Variants in CD2AP observed in about 807,000 individuals in gnomAD.
The protein encoded by CD2AP is CD2 associated protein.
CD2AP carries 46 observed loss-of-function variants against 85.1 expected under a neutral mutation model. That is an observed-to-expected ratio of 0.54 (90% CI 0.43 to 0.69). CD2AP has a LOEUF of 0.69. Ranked by LOEUF, CD2AP falls within the 30% of genes least tolerant of loss-of-function variation. The probability of loss-of-function intolerance (pLI) is 0.00; values close to 1 mark genes in which losing one functional copy is unlikely to be tolerated. For missense variants in CD2AP, 769 were observed against 729.5 expected, an observed-to-expected ratio of 1.05 and a Z score of -0.62; for synonymous variants, 255 against 252.9, an observed-to-expected ratio of 1.01 and a Z score of -0.08.
chr6:47,513,282 A>G (rs1045080487), intron 2 of CD2AP, among the ~76,000 whole-genome samples: 5 of 152,170 alleles, frequency 3.3e-5, no homozygotes, highest in Non-Finnish European at 7.3e-5. Flanking sequence ...AAGCCAACCA[A>G]CATTCCCACT....
At chr6:47,489,939 G>C (rs938111930) in intron 1 of CD2AP, among the ~76,000 whole-genome samples, 2 of 143,660 alleles carry the variant, frequency 1.4e-5, no homozygotes, top group East Asian at 4.1e-4. Context: ...ATTGGTATTC[G>C]TTTGAGTAAC....
At chr6:47,563,380 A>C (rs1767912925) in intron 5 of CD2AP, among the ~76,000 whole-genome samples, 1 of 152,244 alleles carries the variant, frequency 6.6e-6, no homozygotes, top group Non-Finnish European at 1.5e-5. Context: ...TTTTCATCTC[A>C]GAAATGTCAC....
chr6:47,581,501 G>A (rs1768479120), intron 10 of CD2AP, among the ~76,000 whole-genome samples: 1 of 151,894 alleles, frequency 6.6e-6, no homozygotes, highest in African/African-American at 2.4e-5. Flanking sequence ...CTTTATATTT[G>A]CTGACCTAAT....
chr6:47,482,278 A>G (rs1765464826), intron 1 of CD2AP, among the ~76,000 whole-genome samples: 1 of 152,164 alleles, frequency 6.6e-6, no homozygotes, highest in African/African-American at 2.4e-5. Context: ...AAATTTGAGT[A>G]GTTTAAATTT....
intron 8 of CD2AP, among the ~76,000 whole-genome samples, chr6:47,577,762 G>T (rs981449600): frequency 2.6e-5 from 4 of 151,144 alleles, no homozygotes; most frequent in Middle Eastern, 3.2e-3. Context: ...TTTTTAAGTA[G>T]AAATGGAGTC....
At chr6:47,499,365 T>C (rs778035707) in intron 1 of CD2AP, among the ~76,000 whole-genome samples, 2 of 152,146 alleles carry the variant, frequency 1.3e-5, no homozygotes, top group African/African-American at 2.4e-5. Context: ...CATGTATACA[T>C]ATATCTGTTT....
At chr6:47,549,121 C>A (rs568094179) in intron 4 of CD2AP, among the ~76,000 whole-genome samples, 2 of 152,222 alleles carry the variant, frequency 1.3e-5, no homozygotes, top group South Asian at 4.1e-4. Flanking sequence ...AAATTGAAAG[C>A]ATTCCCTCTG....
chr6:47,554,877 C>T (rs1260047005), intron 5 of CD2AP, 111 bp downstream of exon 5: 2 of 1,098,214 alleles, frequency 1.8e-6, no homozygotes, highest in African/African-American at 3.2e-5. Context: ...TTTGAGTCAG[C>T]TTCAATTAGT....
intron 17 of CD2AP, among the ~76,000 whole-genome samples, chr6:47,622,754 T>C (rs922091278): frequency 5.9e-5 from 9 of 152,168 alleles, no homozygotes; most frequent in Non-Finnish European, 1.0e-4. Flanking sequence ...CCTCTCGGGA[T>C]TGCTGGTTTG....
At position 47,606,276 on chromosome 6, in the gene CD2AP, CTG is replaced by C; in HGVS notation, c.1530+2_1530+3del. 6.5e-7 allele frequency: 1 copy of C among 1,535,136 alleles called. No individual in the cohort carries two copies. The highest frequency in any genetic ancestry group is 9.0e-7 in the Non-Finnish European group (1 of 1,108,188). ...CCGGGCCGTTTCAATGGTGGACATT[CTG>C]TGAGTTCATCTAATTGTCGTAAACT... On this transcript the variant is annotated splice_donor_variant and coding_sequence_variant, in exon 14 of 18. Coordinates refer to ENST00000359314, the MANE Select transcript of CD2AP (RefSeq NM_012120.3). LOFTEE classifies it high-confidence loss of function.
At chr6:47,562,734 T>G (rs1767894588) in intron 5 of CD2AP, 8 of 791,244 alleles carry the variant, frequency 1.0e-5, no homozygotes, top group African/African-American at 1.7e-5. Context: ...TTTGTGAAGC[T>G]GGCCAAGCCT....
At chr6:47,608,545 T>C (rs1451139130) in intron 15 of CD2AP, among the ~76,000 whole-genome samples, 2 of 152,196 alleles carry the variant, frequency 1.3e-5, no homozygotes, top group Non-Finnish European at 2.9e-5. Context: ...CCAAATTATT[T>C]CTTGATTTCA....
intron 2 of CD2AP, among the ~76,000 whole-genome samples, chr6:47,510,688 A>G (rs962937942): frequency 2.4e-4 from 36 of 152,236 alleles, no homozygotes; most frequent in Admixed American, 2.3e-3. Context: ...AATTGAAACA[A>G]AAATTCCAAG....
At chr6:47,487,276 T>G (rs1197393094) in intron 1 of CD2AP, among the ~76,000 whole-genome samples, 3 of 152,246 alleles carry the variant, frequency 2.0e-5, no homozygotes, top group African/African-American at 7.2e-5. Context: ...AATAAAAGGC[T>G]GTGTTTCAAA....
Position 47,554,675 on chromosome 6 carries a change from G to T in CD2AP, c.450G>T (p.Leu150=), listed in dbSNP as rs1409641261. 1 of 1,613,724 alleles carries T rather than the reference G, an allele frequency of 6.2e-7. No homozygotes were observed. The highest frequency in any genetic ancestry group is 1.7e-5 in the Admixed American group (1 of 60,002). ...AAGAAGGCTGGTGGAGTGGAACCCT[G>T]AATAACAAGTTGGGACTGTTTCCCT... ...EVEEGWWSGT[L]NNKLGLFPSN... Residue 150 remains leucine (L), a synonymous_variant, in exon 5 of 18, where the codon CTG becomes CTT. Transcript: ENST00000359314.
chr6:47,508,418 G>T (rs1441177811), intron 2 of CD2AP, among the ~76,000 whole-genome samples: 1 of 151,996 alleles, frequency 6.6e-6, no homozygotes, highest in East Asian at 1.9e-4. Context: ...GCAACTTCCT[G>T]ACCTCTCTGT....
At chr6:47,586,027 T>C (rs933947071) in intron 11 of CD2AP, among the ~76,000 whole-genome samples, 1 of 152,166 alleles carries the variant, frequency 6.6e-6, no homozygotes, top group African/African-American at 2.4e-5. Flanking sequence ...GATTAAAGAT[T>C]GCCAGGCATA....
At chr6:47,558,931 C>T (rs993011535) in intron 5 of CD2AP, among the ~76,000 whole-genome samples, 1 of 152,076 alleles carries the variant, frequency 6.6e-6, no homozygotes, top group Non-Finnish European at 1.5e-5. Context: ...TGGTAGAGTT[C>T]GGCTATGAAT....
chr6:47,579,767 T>C (rs1190364850), intron 9 of CD2AP: 1 of 311,766 alleles, frequency 3.2e-6, no homozygotes, highest in South Asian at 4.6e-5. Flanking sequence ...ATAACATAAA[T>C]TAGTACTTTC....
Sources: allele counts gnomAD v4.1 joint callset (sites outside exome capture counted in the v4.1 genomes callset), GRCh38; gene constraint gnomAD v4.1.1; transcripts MANE v1.5; gene names NCBI Gene and HGNC (gene_info 2026-07-23, HGNC 2026-07-21).